The following CXCL13 variants were observed in gnomAD, a reference collection of about 807,000 sequenced individuals.
CXCL13 encodes the protein C-X-C motif chemokine ligand 13.
A neutral mutation model predicts 12.2 loss-of-function variants in CXCL13; 7 were observed. The observed-to-expected ratio is 0.57, with a 90% confidence interval of 0.33 to 1.07. CXCL13 has a LOEUF of 1.07. Among genes scored for constraint, CXCL13 ranks in the 50% least tolerant of loss-of-function variants. The pLI, the probability that CXCL13 is intolerant of heterozygous loss-of-function variation, is 0.04. For missense variants in CXCL13, 113 were observed against 127.4 expected, an observed-to-expected ratio of 0.89 and a Z score of 0.55; for synonymous variants, 47 against 42.4, an observed-to-expected ratio of 1.11 and a Z score of -0.42.
chr4:77,519,876 T>C (rs1212336590), intron 1 of CXCL13, among the ~76,000 whole-genome samples: 1 of 152,226 alleles, frequency 6.6e-6, no homozygotes, highest in Non-Finnish European at 1.5e-5. Context: ...TAATCCATCT[T>C]GAATTAATTT....
intron 1 of CXCL13, among the ~76,000 whole-genome samples, chr4:77,527,438 C>G (rs767040365): frequency 2.0e-5 from 3 of 151,986 alleles, no homozygotes; most frequent in Non-Finnish European, 4.4e-5. Flanking sequence ...TCAAGACCAG[C>G]CTGGGCAACA....
At chr4:77,594,828 G>A (rs1726709090) in intron 1 of CXCL13, among the ~76,000 whole-genome samples, 1 of 152,182 alleles carries the variant, frequency 6.6e-6, no homozygotes, top group Admixed American at 6.5e-5. Context: ...TAGGTGATGG[G>A]TTGATAGGGG....
At chr4:77,546,802 T>A (rs1224896521) in intron 1 of CXCL13, among the ~76,000 whole-genome samples, 1 of 152,198 alleles carries the variant, frequency 6.6e-6, no homozygotes, top group East Asian at 1.9e-4. Context: ...TGTTTGCTCT[T>A]GCTTCTCTAG....
intron 1 of CXCL13, among the ~76,000 whole-genome samples, chr4:77,573,067 G>A (rs1037653846): frequency 4.0e-5 from 6 of 151,692 alleles, no homozygotes; most frequent in East Asian, 1.9e-4. Flanking sequence ...GGAAACAACC[G>A]ACACTAGTGC....
intron 1 of CXCL13, among the ~76,000 whole-genome samples, chr4:77,567,489 G>A (rs1267145393): frequency 1.3e-5 from 2 of 152,200 alleles, no homozygotes; most frequent in Non-Finnish European, 2.9e-5. Context: ...AGGGAAGGAA[G>A]ATGTTGCCCC....
intron 1 of CXCL13, chr4:77,511,804 T>A (rs893241734): frequency 6.6e-6 from 1 of 152,218 alleles, no homozygotes; most frequent in African/African-American, 2.4e-5. Context: ...AGGTTGAATA[T>A]GTCAACCCTA....
At chr4:77,518,768 G>A (rs1334776124) in intron 1 of CXCL13, among the ~76,000 whole-genome samples, 2 of 151,962 alleles carry the variant, frequency 1.3e-5, no homozygotes, top group African/African-American at 2.4e-5. Context: ...TAGTTTGATT[G>A]TCTGAAGCCT....
At chr4:77,593,112 A>AT (rs898726008) in intron 1 of CXCL13, among the ~76,000 whole-genome samples, 1 of 151,988 alleles carries the variant, frequency 6.6e-6, no homozygotes, top group Admixed American at 6.6e-5. Flanking sequence ...GTCTCAGGCA[A>AT]TTTTTTTCCC....
intron 1 of CXCL13, among the ~76,000 whole-genome samples, chr4:77,528,698 A>C (rs972351324): frequency 6.6e-6 from 1 of 152,076 alleles, no homozygotes; most frequent in Non-Finnish European, 1.5e-5. Context: ...AGATGAGTAG[A>C]TTGCAAAAAT....
At chr4:77,545,514 G>C (rs1725339026) in intron 1 of CXCL13, among the ~76,000 whole-genome samples, 1 of 152,160 alleles carries the variant, frequency 6.6e-6, no homozygotes. Context: ...AAGCAATTGT[G>C]AATGGGAGTT....
chr4:77,536,230 G>A (rs1451057615), intron 1 of CXCL13, among the ~76,000 whole-genome samples: 1 of 152,142 alleles, frequency 6.6e-6, no homozygotes, highest in Non-Finnish European at 1.5e-5. Flanking sequence ...TTTCATTGAC[G>A]ATGTAAAGTA....
intron 1 of CXCL13, among the ~76,000 whole-genome samples, chr4:77,540,250 C>T (rs1432701061): frequency 1.3e-5 from 2 of 152,076 alleles, no homozygotes; most frequent in African/African-American, 2.4e-5. Flanking sequence ...GCCATAAATA[C>T]ATTTTTTAAT....
At chr4:77,540,540 T>G (rs1349519857) in intron 1 of CXCL13, among the ~76,000 whole-genome samples, 1 of 152,114 alleles carries the variant, frequency 6.6e-6, no homozygotes, top group Non-Finnish European at 1.5e-5. Flanking sequence ...GCTGTTCCTG[T>G]GTTAATCTAC....
intron 1 of CXCL13, among the ~76,000 whole-genome samples, chr4:77,528,034 G>GT (rs1239186909): frequency 6.6e-6 from 1 of 152,030 alleles, no homozygotes; most frequent in East Asian, 1.9e-4. Context: ...GCGGTGTTTG[G>GT]TTTTTTGTCC....
At chr4:77,607,625 T>G (rs1727025324) in intron 1 of CXCL13, 78 bp from the exon 2 acceptor site, 1 of 1,418,604 alleles carries the variant, frequency 7.0e-7, no homozygotes, top group Non-Finnish European at 9.7e-7. Flanking sequence ...ATGCACGTTA[T>G]GAAAGATTAG....
intron 1 of CXCL13, among the ~76,000 whole-genome samples, 170 bp from the exon 2 acceptor site, chr4:77,607,533 A>G (rs1727023835): frequency 6.6e-6 from 1 of 152,216 alleles, no homozygotes. Context: ...ACATTTGAAA[A>G]TACTCAAGCC....
intron 1 of CXCL13, among the ~76,000 whole-genome samples, chr4:77,572,727 T>C (rs951376272): frequency 6.6e-6 from 1 of 151,968 alleles, no homozygotes; most frequent in African/African-American, 2.4e-5. Context: ...AGCAATTTCA[T>C]TACTATGTGT....
At chr4:77,549,000 A>G (rs982249852) in intron 1 of CXCL13, among the ~76,000 whole-genome samples, 2 of 152,330 alleles carry the variant, frequency 1.3e-5, no homozygotes, top group South Asian at 2.1e-4. Flanking sequence ...GTCTTTTCAC[A>G]TAGTCCCATA....
chr4:77,580,108 G>A (rs1422472907), intron 1 of CXCL13, among the ~76,000 whole-genome samples: 1 of 151,968 alleles, frequency 6.6e-6, no homozygotes, highest in Non-Finnish European at 1.5e-5. Context: ...CAAGAAAGTG[G>A]GAAGGGGATG....
Sources: gnomAD v4.1 joint callset for allele counts (sites outside exome capture counted in the v4.1 genomes callset) on GRCh38, gnomAD v4.1.1 for gene constraint, MANE v1.5 for transcripts, NCBI Gene and HGNC (gene_info 2026-07-23, HGNC 2026-07-21) for gene names.